The following EVA1C variants were observed in gnomAD, a reference collection of about 807,000 sequenced individuals.
The protein encoded by EVA1C is eva-1 homolog C, also known as protein eva-1 homolog C.
A neutral mutation model predicts 45.4 loss-of-function variants in EVA1C; 25 were observed. The ratio of observed to expected loss-of-function variants is 0.55; its 90% confidence interval spans 0.40 to 0.77. The LOEUF (loss-of-function observed/expected upper bound fraction) is 0.77. Among genes scored for constraint, EVA1C ranks in the 30% least tolerant of loss-of-function variants. The probability of loss-of-function intolerance (pLI) is 0.00; values close to 1 mark genes in which losing one functional copy is unlikely to be tolerated. For synonymous variants in EVA1C, 190 were observed against 221.2 expected, an observed-to-expected ratio of 0.86 and a Z score of 1.25; for missense variants, 479 against 554.8, an observed-to-expected ratio of 0.86 and a Z score of 1.37.
chr21:32,459,033 C>CA (rs1030768527), intron 3 of EVA1C, among the ~76,000 whole-genome samples: 6 of 152,088 alleles, frequency 3.9e-5, no homozygotes, highest in African/African-American at 1.4e-4. Context: ...CCAGATACGT[C>CA]AAAGCTGCCC....
chr21:32,419,786 G>C lies in EVA1C; in HGVS notation c.160+6773G>C, dbSNP rs539642388. Reference sequence around the variant, plus strand: ...ATACTGTCACTGAAGCTGAGCAATGGACCAAGAAGGTGGGAGCGGGGGTGG... The same window carrying C: ...ATACTGTCACTGAAGCTGAGCAATGCACCAAGAAGGTGGGAGCGGGGGTGG... On this transcript the variant is annotated intron_variant, in intron 1 of 7. Coordinates refer to ENST00000300255, the MANE Select transcript of EVA1C (RefSeq NM_058187.5). 2.0e-5 allele frequency among the ~76,000 whole-genome samples: 3 copies of C among 149,350 alleles called. No individual in the cohort carries two copies. In the South Asian group the frequency reaches 6.6e-4, roughly 33 times the overall value.
At chr21:32,423,569 C>G (rs2034372868) in intron 1 of EVA1C, among the ~76,000 whole-genome samples, 1 of 151,998 alleles carries the variant, frequency 6.6e-6, no homozygotes, top group African/African-American at 2.4e-5. Context: ...GAGCTTGGAA[C>G]TGAGTGTTTG....
intron 5 of EVA1C, chr21:32,496,754 G>T: frequency 1.5e-6 from 1 of 645,626 alleles, no homozygotes; most frequent in East Asian, 2.7e-5. Context: ...AGTTTTGGCC[G>T]GGGACCGGGA....
intron 1 of EVA1C, among the ~76,000 whole-genome samples, chr21:32,437,434 C>T (rs879591490): frequency 6.6e-6 from 1 of 152,172 alleles, no homozygotes; most frequent in Admixed American, 6.5e-5. Flanking sequence ...CCATCAGACA[C>T]AGGCCAACCC....
At chr21:32,511,062 T>C (rs1389756364) in intron 7 of EVA1C, among the ~76,000 whole-genome samples, 1 of 151,668 alleles carries the variant, frequency 6.6e-6, no homozygotes, top group Non-Finnish European at 1.5e-5. Flanking sequence ...TCTCTCTATC[T>C]ATATGTATAC....
At chr21:32,435,990 T>G (rs79773261) in intron 1 of EVA1C, among the ~76,000 whole-genome samples, 1 of 138,544 alleles carries the variant, frequency 7.2e-6, no homozygotes, top group East Asian at 2.1e-4. Context: ...TGCATGTGGG[T>G]TTTTTTTGCC....
chr21:32,451,029 G>A (rs2035559986), intron 1 of EVA1C, among the ~76,000 whole-genome samples: 1 of 152,198 alleles, frequency 6.6e-6, no homozygotes, highest in Non-Finnish European at 1.5e-5. Flanking sequence ...GCCAGGAAAT[G>A]TCTGTAGCCT....
chr21:32,469,728 C>T (rs936353035), intron 4 of EVA1C, among the ~76,000 whole-genome samples: 1 of 152,196 alleles, frequency 6.6e-6, no homozygotes, highest in Non-Finnish European at 1.5e-5. Flanking sequence ...GGACAGCAGG[C>T]TGGAAACTCA....
intron 6 of EVA1C, among the ~76,000 whole-genome samples, chr21:32,503,404 G>A (rs778015889): frequency 1.3e-5 from 2 of 152,124 alleles, no homozygotes; most frequent in Non-Finnish European, 2.9e-5. Flanking sequence ...AAATTTGCTG[G>A]GCATGGTGGC....
intron 4 of EVA1C, among the ~76,000 whole-genome samples, chr21:32,480,089 T>A (rs1296616714): frequency 6.6e-6 from 1 of 152,094 alleles, no homozygotes; most frequent in Non-Finnish European, 1.5e-5. Flanking sequence ...TTGCAAATGT[T>A]CAGCTGTAAG....
chr21:32,485,201 G>T (rs1274556703), intron 4 of EVA1C, among the ~76,000 whole-genome samples: 4 of 151,126 alleles, frequency 2.6e-5, no homozygotes, highest in East Asian at 1.9e-4. Context: ...CTTTTTTTTT[G>T]AAATAGTCTC....
At chr21:32,489,363 C>T (rs2037080050) in intron 4 of EVA1C, among the ~76,000 whole-genome samples, 1 of 152,138 alleles carries the variant, frequency 6.6e-6, no homozygotes, top group Non-Finnish European at 1.5e-5. Flanking sequence ...CTATCCTTTC[C>T]CCTTAATGTC....
chr21:32,501,179 A>G (rs369775282), intron 5 of EVA1C, among the ~76,000 whole-genome samples: 3 of 151,586 alleles, frequency 2.0e-5, no homozygotes, highest in African/African-American at 7.3e-5. Context: ...TTTATTCTCC[A>G]TTTTTTTTAA....
At chr21:32,462,085 A>T (rs1357503882) in intron 3 of EVA1C, among the ~76,000 whole-genome samples, 2 of 152,110 alleles carry the variant, frequency 1.3e-5, no homozygotes, top group Non-Finnish European at 2.9e-5. Flanking sequence ...GATTCAAATC[A>T]CTCTGCTAAA....
chr21:32,515,212 G>T lies in EVA1C; in HGVS notation c.*22G>T. ...CTGAAAACCACATGCATCTTGATGC[G>T]ATCGCACTTTCTGAAGAAGGAAGGA... On this transcript the variant is annotated 3_prime_UTR_variant, in exon 8 of 8. Transcript: ENST00000300255. 1 of 1,539,150 alleles carries T rather than the reference G, an allele frequency of 6.5e-7. No homozygotes were observed. Among genetic ancestry groups the T allele is most frequent in the South Asian group, 1.3e-5 (1 of 78,640 alleles).
chr21:32,503,170 A>G (rs181768501), intron 6 of EVA1C, among the ~76,000 whole-genome samples: 1 of 152,376 alleles, frequency 6.6e-6, no homozygotes, highest in Non-Finnish European at 1.5e-5. Flanking sequence ...TTCCAAAAAA[A>G]GTAGCCCAAT....
In EVA1C at chr21:32,474,930, G is replaced by A. The variant is rs1395164515; in HGVS notation, c.634+7082G>A. On this transcript the variant is annotated intron_variant, in intron 4 of 7. Coordinates refer to ENST00000300255, the MANE Select transcript of EVA1C (RefSeq NM_058187.5). The surrounding 1 kb of genome is among the most constrained non-coding windows in gnomAD (Gnocchi z 4.4). ...CGCACCTGGGCCACAGGCTGCCAGTGCATGTGTGATCTCTGCTCTGTGCTC... is the reference window on the plus strand; with the variant it reads ...CGCACCTGGGCCACAGGCTGCCAGTACATGTGTGATCTCTGCTCTGTGCTC... 6.6e-6 allele frequency among the ~76,000 whole-genome samples: 1 copy of A among 152,254 alleles called. No individual in the cohort carries two copies. The highest frequency in any genetic ancestry group is 1.5e-5 in the Non-Finnish European group (1 of 68,048).
chr21:32,504,090 T>A (rs891932060), intron 7 of EVA1C, 75 bp downstream of exon 7: 13 of 1,015,008 alleles, frequency 1.3e-5, no homozygotes, highest in East Asian at 9.8e-5. Flanking sequence ...TGCTGTTCAA[T>A]TATAGCACTC....
chr21:32,485,837 G>A (rs1216634605), intron 4 of EVA1C, among the ~76,000 whole-genome samples: 2 of 152,188 alleles, frequency 1.3e-5, no homozygotes, highest in Non-Finnish European at 2.9e-5. Context: ...ATTTGTCAGG[G>A]CAATTAATGT....
Sources: gnomAD v4.1 joint callset for allele counts (sites outside exome capture counted in the v4.1 genomes callset) on GRCh38, gnomAD v4.1.1 for gene constraint, Gnocchi (gnomAD v3.1) non-coding constraint, MANE v1.5 for transcripts, NCBI Gene and HGNC (gene_info 2026-07-23, HGNC 2026-07-21) for gene names.